KCNQ2: variants seen among roughly 807,000 people sequenced by gnomAD.
KCNQ2 encodes potassium voltage-gated channel subfamily KQT member 2.
A neutral mutation model predicts 84.8 loss-of-function variants in KCNQ2; 14 were observed. That is an observed-to-expected ratio of 0.17 (90% CI 0.11 to 0.26). The LOEUF (loss-of-function observed/expected upper bound fraction) is 0.26, where lower values mean the gene tolerates loss of function less well. KCNQ2 is among the 10% of genes least tolerant of loss of function. The pLI is 1.00. For synonymous variants in KCNQ2, 599 were observed against 554.1 expected, an observed-to-expected ratio of 1.08 and a Z score of -1.14; for missense variants, 788 against 1,254.0, an observed-to-expected ratio of 0.63 and a Z score of 5.61.
chr20:63,415,667 C>T (rs1023327141), intron 12 of KCNQ2, among the ~76,000 whole-genome samples: 21 of 152,256 alleles, frequency 1.4e-4, no homozygotes, highest in Middle Eastern at 3.4e-3. Flanking sequence ...AATCACTTTC[C>T]GCTACCACCA....
At chr20:63,410,606 C>T (rs890003435) in intron 15 of KCNQ2, among the ~76,000 whole-genome samples, 2 of 152,192 alleles carry the variant, frequency 1.3e-5, no homozygotes, top group Non-Finnish European at 2.9e-5. Flanking sequence ...AAACTCCGTC[C>T]GGGGCTACCC....
rs372762419 is a variant in KCNQ2 at position 63,416,082 on chromosome 20, C to T, written c.1302-956G>A. Among the ~76,000 whole-genome samples the T allele has an allele frequency of 2.3e-4, 35 of 152,360 alleles. No homozygotes were observed. In the South Asian group the frequency reaches 7.0e-3, roughly 31 times the overall value. ...CCAGGTCCGTGTCAGAGAACTGCTC[C>T]TTCCGGCTTCTGGAAGGAAGGAATG... On this transcript the variant is annotated intron_variant, in intron 12 of 16. Transcript: ENST00000359125.
chr20:63,465,247 C>T (rs1462562971), intron 1 of KCNQ2, among the ~76,000 whole-genome samples: 1 of 152,248 alleles, frequency 6.6e-6, no homozygotes, highest in Admixed American at 6.5e-5. Context: ...AAAGTCTAAC[C>T]CTCCATTTCC....
chr20:63,470,623 G>A (rs1377553943), intron 1 of KCNQ2, among the ~76,000 whole-genome samples: 1 of 152,208 alleles, frequency 6.6e-6, no homozygotes, highest in East Asian at 1.9e-4. Context: ...ACCAACCCTG[G>A]GTCAGACGCA....
At chr20:63,428,468 C>A (rs369286948) in intron 9 of KCNQ2, 33 bp from the exon 10 acceptor site, 35 of 1,545,934 alleles carry the variant, frequency 2.3e-5, no homozygotes, top group Non-Finnish European at 3.0e-5. Flanking sequence ...GAGTGAGCGT[C>A]TCACCCTCCC....
chr20:63,444,617 T>G, intron 4 of KCNQ2, 42 bp downstream of exon 4: 1 of 1,478,476 alleles, frequency 6.8e-7, no homozygotes, highest in Non-Finnish European at 9.0e-7. Context: ...GGACTCTCGC[T>G]GGCTGGGGGC....
intron 11 of KCNQ2, chr20:63,423,780 T>C (rs992103862): frequency 1.2e-5 from 3 of 252,428 alleles, no homozygotes; most frequent in African/African-American, 6.7e-5. Flanking sequence ...ACTTGGAGCT[T>C]TCACCCCAGC....
chr20:63,446,091 G>A lies in KCNQ2; in HGVS notation c.387+656C>T, dbSNP rs2081417981. On this transcript the variant is annotated intron_variant, in intron 2 of 16. Coordinates refer to ENST00000359125, the MANE Select transcript of KCNQ2 (RefSeq NM_172107.4). This position sits in a 1 kb window ranked among gnomAD's most constrained non-coding sequence, Gnocchi z 5.5. ...AGTTGGGGGCCCCTGTCTGAGCTGG[G>A]GGACCCTGTCTGAGCCAGTGGGGGA... 6.6e-6 allele frequency: 2 copies of A among 301,000 alleles called. No homozygotes were observed. The highest frequency in any genetic ancestry group is 5.5e-5 in the South Asian group (2 of 36,554). The allele number at this position is 301,000 out of a possible 1,614,324, so 18.6% of individuals were successfully genotyped here.
intron 1 of KCNQ2, among the ~76,000 whole-genome samples, chr20:63,457,043 TAATG>T (rs1450965573): frequency 6.6e-6 from 1 of 152,226 alleles, no homozygotes; most frequent in African/African-American, 2.4e-5. Flanking sequence ...TTTCACCATC[TAATG>T]AACTGCTCTG....
chr20:63,427,963 A>G (rs1000736311), intron 10 of KCNQ2, among the ~76,000 whole-genome samples: 16 of 152,044 alleles, frequency 1.1e-4, no homozygotes, highest in African/African-American at 3.6e-4. Context: ...GACAGCCGGC[A>G]CTCTGACAGC....
intron 1 of KCNQ2, among the ~76,000 whole-genome samples, chr20:63,456,649 G>A (rs2081806733): frequency 6.6e-6 from 1 of 152,162 alleles, no homozygotes; most frequent in Non-Finnish European, 1.5e-5. Context: ...TGACCTGCCA[G>A]GAGGGAAGCA....
intron 1 of KCNQ2, among the ~76,000 whole-genome samples, chr20:63,469,015 C>T (rs1419845966): frequency 6.6e-6 from 1 of 152,246 alleles, no homozygotes; most frequent in Non-Finnish European, 1.5e-5. Context: ...GGGAACAGAG[C>T]GGAGCTCCCT....
chr20:63,428,511 C>A, intron 9 of KCNQ2, 76 bp from the exon 10 acceptor site: 1 of 1,271,544 alleles, frequency 7.9e-7, no homozygotes, highest in Non-Finnish European at 1.1e-6. Context: ...GCTTGCACAG[C>A]TCCATGGGCA....
chr20:63,452,457 C>T (rs951752119), intron 1 of KCNQ2, among the ~76,000 whole-genome samples: 7 of 152,248 alleles, frequency 4.6e-5, no homozygotes, highest in Non-Finnish European at 8.8e-5. Flanking sequence ...CAGAGGGTCA[C>T]TAGCTTCACT....
chr20:63,457,745 A>C (rs982746614), intron 1 of KCNQ2, among the ~76,000 whole-genome samples: 6 of 152,196 alleles, frequency 3.9e-5, no homozygotes, highest in Non-Finnish European at 7.4e-5. Context: ...GCATTGCTGC[A>C]GCAACCACAG....
intron 7 of KCNQ2, 165 bp from the exon 8 acceptor site, chr20:63,434,068 A>T (rs1438908078): frequency 6.6e-6 from 4 of 610,076 alleles, no homozygotes; most frequent in Non-Finnish European, 1.2e-5. Flanking sequence ...TCAGCCCCAC[A>T]GCCTCAGTTT....
intron 5 of KCNQ2, 158 bp from the exon 6 acceptor site, chr20:63,439,866 C>T (rs2081108035): frequency 5.8e-6 from 4 of 684,444 alleles, no homozygotes; most frequent in Admixed American, 2.0e-5. Context: ...GGGTCGGTGT[C>T]GGCCGCCCCT....
chr20:63,419,661 G>C lies in KCNQ2; in HGVS notation c.1259C>G (p.Pro420Arg), dbSNP rs139164500. 1 of 1,611,218 alleles carries C rather than the reference G, an allele frequency of 6.2e-7. No homozygotes were observed. The highest frequency in any genetic ancestry group is 8.5e-7 in the Non-Finnish European group (1 of 1,179,436). Residue 420 changes from proline to arginine, a missense_variant, in exon 12 of 17, where the codon CCG becomes CGG. Transcript: ENST00000359125. ...GCATCCACACAGGGGCCCTCTGCACGGGCTGCCTTTACTGGAAATGAGGAG... is the reference window on the plus strand; with the variant it reads ...GCATCCACACAGGGGCCCTCTGCACCGGCTGCCTTTACTGGAAATGAGGAG... Reference protein sequence around the residue: ...PPEPSPSKGSPCRGPLCGCCP... With the variant: ...PPEPSPSKGSRCRGPLCGCCP...
chr20:63,455,473 G>C (rs956648728), intron 1 of KCNQ2, among the ~76,000 whole-genome samples: 1 of 152,190 alleles, frequency 6.6e-6, no homozygotes, highest in Non-Finnish European at 1.5e-5. Flanking sequence ...GACAGCCCCA[G>C]ATCACAAGAG....
Sources: allele counts gnomAD v4.1 joint callset (sites outside exome capture counted in the v4.1 genomes callset), GRCh38; gene constraint gnomAD v4.1.1; non-coding constraint Gnocchi (gnomAD v3.1); transcripts MANE v1.5; gene names NCBI Gene and HGNC (gene_info 2026-07-23, HGNC 2026-07-21).